UBR1: variants seen among roughly 807,000 people sequenced by gnomAD.
UBR1 encodes the protein ubiquitin protein ligase E3 component n-recognin 1.
A neutral mutation model predicts 242.1 loss-of-function variants in UBR1; 102 were observed. That is an observed-to-expected ratio of 0.42 (90% confidence interval 0.36 to 0.50). The LOEUF (loss-of-function observed/expected upper bound fraction) is 0.50, where lower values mean the gene tolerates loss of function less well. Among genes scored for constraint, UBR1 ranks in the 20% least tolerant of loss-of-function variants. The probability of loss-of-function intolerance (pLI) is 0.01; values close to 1 mark genes in which losing one functional copy is unlikely to be tolerated. For synonymous variants in UBR1, 675 were observed against 684.8 expected (o/e 0.99, Z 0.22); for missense variants, 1,772 against 2,101.8 (o/e 0.84, Z 3.07).
intron 43 of UBR1, among the ~76,000 whole-genome samples, chr15:42,959,585 C>T (rs2031980867): frequency 6.6e-6 from 1 of 152,130 alleles, no homozygotes; most frequent in South Asian, 2.1e-4. Context: ...ATTTCAGTAC[C>T]ATGCTGGGTA....
rs200127620 is a variant in UBR1, at chr15:43,020,062, C to CTCT, written c.2940+1212_2940+1213insAGA. On this transcript the variant is annotated intron_variant, in intron 27 of 46. Coordinates refer to ENST00000290650, the MANE Select transcript of UBR1 (RefSeq NM_174916.3). ...ATCTTTGATTTCCTTTTTTCTGAGA[C>CTCT]AGACTCTTGTTCTGTTACCCAGGCT... Among the ~76,000 whole-genome samples the CTCT allele has an allele frequency of 1.5e-3, 222 of 151,978 alleles. 4 individuals carry two copies. In the East Asian group the frequency reaches 0.036, roughly 25 times the overall value.
intron 41 of UBR1, among the ~76,000 whole-genome samples, chr15:42,964,819 C>T (rs2032079493): frequency 6.6e-6 from 1 of 152,186 alleles, no homozygotes; most frequent in African/African-American, 2.4e-5. Context: ...TTCAACTCAA[C>T]CCCCTCTATG....
intron 26 of UBR1, among the ~76,000 whole-genome samples, chr15:43,021,908 T>C (rs1001198824): frequency 2.0e-5 from 3 of 152,228 alleles, no homozygotes; most frequent in African/African-American, 7.2e-5. Flanking sequence ...TACAATGATA[T>C]GATCTACTAA....
intron 46 of UBR1, among the ~76,000 whole-genome samples, chr15:42,946,135 T>C (rs1315607931): frequency 6.6e-6 from 1 of 151,856 alleles, no homozygotes; most frequent in Non-Finnish European, 1.5e-5. Flanking sequence ...TTTGTTTTTG[T>C]TTTTTGGAGA....
intron 26 of UBR1, 117 bp from the exon 27 acceptor site, chr15:43,021,492 T>C (rs2033110221): frequency 2.3e-6 from 2 of 859,376 alleles, no homozygotes; most frequent in Non-Finnish European, 3.9e-6. Context: ...TCAATTCCCT[T>C]ATGTAAAATG....
chr15:43,076,917 C>T (rs1367041186), intron 3 of UBR1, among the ~76,000 whole-genome samples: 7 of 103,026 alleles, frequency 6.8e-5, no homozygotes, highest in East Asian at 3.1e-4. Context: ...GTCAGCCCCC[C>T]GCCCGGCCAG....
intron 1 of UBR1, among the ~76,000 whole-genome samples, chr15:43,101,743 G>A (rs1468891946): frequency 1.3e-5 from 2 of 151,902 alleles, no homozygotes; most frequent in African/African-American, 4.8e-5. Flanking sequence ...GAGGTGGGCG[G>A]CTTGCCTGAG....
chr15:42,981,995 C>T (rs1241377864), intron 37 of UBR1, among the ~76,000 whole-genome samples: 1 of 152,166 alleles, frequency 6.6e-6, no homozygotes, highest in South Asian at 2.1e-4. Context: ...AGAGATTATA[C>T]ACCATCATTT....
intron 27 of UBR1, chr15:43,021,010 C>T (rs796790194): frequency 8.1e-6 from 3 of 369,628 alleles, no homozygotes; most frequent in South Asian, 7.7e-5. Flanking sequence ...CTGCCTTGTT[C>T]CATCTAGAAA....
Position 43,048,503 on chromosome 15 carries a change from A to G in UBR1, c.1440-12T>C, listed in dbSNP as rs955391726. ...TGATCAGGATATACCTATCGTTTCAAGAAAGAAAGAAATATTTCATTTATC... is the reference window on the plus strand; with the variant it reads ...TGATCAGGATATACCTATCGTTTCAGGAAAGAAAGAAATATTTCATTTATC... On this transcript the variant is annotated splice_polypyrimidine_tract_variant and intron_variant, in intron 12 of 46. Coordinates refer to ENST00000290650, the MANE Select transcript of UBR1 (RefSeq NM_174916.3). 32 of 1,578,180 alleles carry G rather than the reference A, an allele frequency of 2.0e-5. No homozygotes were observed. The highest frequency in any genetic ancestry group is 2.7e-5 in the Non-Finnish European group (31 of 1,148,490).
intron 14 of UBR1, among the ~76,000 whole-genome samples, chr15:43,044,941 A>G (rs1220631283): frequency 6.6e-6 from 1 of 152,158 alleles, no homozygotes; most frequent in Non-Finnish European, 1.5e-5. Flanking sequence ...TAAAAGAAAA[A>G]AAAATCCTCT....
chr15:42,953,390 A>C (rs900867924), intron 44 of UBR1, among the ~76,000 whole-genome samples: 1 of 152,202 alleles, frequency 6.6e-6, no homozygotes, highest in Admixed American at 6.5e-5. Context: ...GTCGGAATAA[A>C]GAAGATCAGA....
At chr15:43,029,917 T>G (rs545078317) in intron 21 of UBR1, 27 bp downstream of exon 21, 10 of 1,613,608 alleles carry the variant, frequency 6.2e-6, no homozygotes, top group African/African-American at 1.3e-5. Context: ...TTGAGGTACA[T>G]AGAGATAAAA....
intron 38 of UBR1, among the ~76,000 whole-genome samples, chr15:42,977,578 G>C (rs1050526569): frequency 6.6e-6 from 1 of 151,390 alleles, no homozygotes; most frequent in Non-Finnish European, 1.5e-5. Context: ...TACAACTTAA[G>C]AAAAAGGCCA....
At chr15:42,957,506 T>A (rs1322070172) in intron 44 of UBR1, among the ~76,000 whole-genome samples, 1 of 152,222 alleles carries the variant, frequency 6.6e-6, no homozygotes, top group Non-Finnish European at 1.5e-5. Context: ...TTGCATGTTA[T>A]GTGGATTTCC....
chr15:42,978,735 T>C (rs1221246692), intron 37 of UBR1, among the ~76,000 whole-genome samples: 2 of 150,300 alleles, frequency 1.3e-5, no homozygotes, highest in Admixed American at 6.6e-5. Flanking sequence ...TTCTTTTCTT[T>C]TTTTTTTTTT....
Position 42,957,999 on chromosome 15 carries a change from C to A in UBR1, c.4835+14G>T, listed in dbSNP as rs773905716. On this transcript the variant is annotated intron_variant, in intron 44 of 46. Transcript: ENST00000290650. ...ATTTAAAATTACACACATATATATA[C>A]ACACTCTCCTTACCTGAAATGAGAA... 6.2e-7 allele frequency: 1 copy of A among 1,601,092 alleles called. No homozygotes were observed. The highest frequency in any genetic ancestry group is 8.6e-7 in the Non-Finnish European group (1 of 1,169,138).
chr15:43,021,929 G>C (rs1282792835), intron 26 of UBR1, among the ~76,000 whole-genome samples: 2 of 152,142 alleles, frequency 1.3e-5, no homozygotes, highest in African/African-American at 4.8e-5. Context: ...ATTTAAAAAT[G>C]ACTTTAAGTC....
chr15:43,021,506 T>C, intron 26 of UBR1, 131 bp from the exon 27 acceptor site: 2 of 772,426 alleles, frequency 2.6e-6, no homozygotes, highest in Non-Finnish European at 4.4e-6. Context: ...TAAAATGGTG[T>C]AGTATTTGCA....
Sources: gnomAD v4.1 joint callset for allele counts (sites outside exome capture counted in the v4.1 genomes callset) on GRCh38, gnomAD v4.1.1 for gene constraint, MANE v1.5 for transcripts, NCBI Gene and HGNC (gene_info 2026-07-23, HGNC 2026-07-21) for gene names.